Variants in NRXN3 observed in about 807,000 individuals in gnomAD.
NRXN3 encodes neurexin III.
A neutral mutation model predicts 137.6 loss-of-function variants in NRXN3; 32 were observed. That is an observed-to-expected ratio of 0.23 (90% confidence interval 0.18 to 0.31). NRXN3 has a LOEUF of 0.31. Among genes scored for constraint, NRXN3 ranks in the 10% least tolerant of loss-of-function variants. NRXN3 has a pLI of 1.00. For synonymous variants in NRXN3, 798 were observed against 784.5 expected (o/e 1.02, Z -0.29); for missense variants, 1,574 against 2,062.5 (o/e 0.76, Z 4.59).
rs76545718 is a variant in NRXN3 at position 79,428,850 on chromosome 14, A to G, written c.3263-38371A>G. On this transcript the variant is annotated intron_variant, in intron 15 of 20. Transcript: ENST00000335750. ...AATCCTGTATTAAAATAAATACAGT[A>G]GGAATTAGCAAGGATGGGGGAATAG... Among the ~76,000 whole-genome samples, 1,342 of 152,334 alleles carry G rather than the reference A, an allele frequency of 8.8e-3. 24 individuals carry two copies. In the East Asian group the frequency reaches 0.093, roughly 11 times the overall value.
intron 2 of NRXN3, among the ~76,000 whole-genome samples, chr14:78,253,345 C>T (rs994793655): frequency 3.9e-5 from 6 of 152,102 alleles, no homozygotes; most frequent in African/African-American, 1.2e-4. Flanking sequence ...TGACTTTGCC[C>T]TAGGTAATGT....
intron 15 of NRXN3, among the ~76,000 whole-genome samples, chr14:79,420,679 C>G (rs1042898074): frequency 5.9e-5 from 9 of 152,104 alleles, no homozygotes; most frequent in African/African-American, 1.9e-4. Context: ...GTGGCAAAAG[C>G]TAATACAAAA....
chr14:78,450,198 C>T (rs897763717), intron 4 of NRXN3, among the ~76,000 whole-genome samples: 2 of 152,190 alleles, frequency 1.3e-5, no homozygotes, highest in African/African-American at 4.8e-5. Flanking sequence ...TACTGTTACC[C>T]AGTCATTTGT....
At chr14:78,510,237 TTAAA>T (rs201313113) in intron 4 of NRXN3, among the ~76,000 whole-genome samples, 2,326 of 151,808 alleles carry the variant, frequency 0.015, 71 homozygotes, top group African/African-American at 0.052. Flanking sequence ...TAAAAATAAA[TTAAA>T]TAAAAATTAA....
intron 15 of NRXN3, among the ~76,000 whole-genome samples, chr14:79,234,306 AT>A (rs1245530171): frequency 3.1e-5 from 2 of 64,924 alleles, no homozygotes; most frequent in African/African-American, 1.5e-4. Flanking sequence ...ATATATATAT[AT>A]ATATATATAT....
intron 4 of NRXN3, among the ~76,000 whole-genome samples, chr14:78,363,611 G>A (rs1383711793): frequency 6.6e-6 from 1 of 152,118 alleles, no homozygotes; most frequent in Non-Finnish European, 1.5e-5. Flanking sequence ...CAAACCCATT[G>A]CAGTGCTCCA....
At chr14:79,642,672 C>T (rs2098438433) in intron 16 of NRXN3, among the ~76,000 whole-genome samples, 1 of 135,094 alleles carries the variant, frequency 7.4e-6, no homozygotes, top group African/African-American at 2.5e-5. Context: ...GTAAGCCTGC[C>T]TCAGTTTTCT....
chr14:79,391,147 A>G (rs2094831829), intron 15 of NRXN3, among the ~76,000 whole-genome samples: 1 of 152,120 alleles, frequency 6.6e-6, no homozygotes, highest in Non-Finnish European at 1.5e-5. Context: ...ACTAAATGTA[A>G]TGGACAAGAA....
intron 16 of NRXN3, among the ~76,000 whole-genome samples, chr14:79,498,763 G>T (rs548175628): frequency 5.3e-5 from 8 of 152,146 alleles, no homozygotes; most frequent in Non-Finnish European, 1.0e-4. Flanking sequence ...CTTTCCAGCT[G>T]GTATGTTTGT....
chr14:78,763,462 A>C (rs2098699267), intron 8 of NRXN3, among the ~76,000 whole-genome samples: 1 of 151,646 alleles, frequency 6.6e-6, no homozygotes, highest in African/African-American at 2.4e-5. Context: ...GAAAAATAAA[A>C]ATACTATATA....
chr14:79,357,104 A>G lies in NRXN3; in HGVS notation c.3263-110117A>G, dbSNP rs114360990. 6.4e-3 allele frequency among the ~76,000 whole-genome samples: 970 copies of G among 152,294 alleles called. 8 individuals are homozygous for G. The highest frequency in any genetic ancestry group is 0.022 in the African/African-American group (927 of 41,564). On this transcript the variant is annotated intron_variant, in intron 15 of 20. Coordinates refer to ENST00000335750, the MANE Select transcript of NRXN3 (RefSeq NM_001330195.2). ...ATCCCTAATTGCATGTGGCTGTGAT[A>G]TTTAATATGGCTGATTCTAATGGAG...
intron 4 of NRXN3, among the ~76,000 whole-genome samples, chr14:78,498,483 A>G (rs2095825823): frequency 1.3e-5 from 2 of 152,136 alleles, no homozygotes; most frequent in South Asian, 2.1e-4. Flanking sequence ...TTCCAGGAAG[A>G]GTTTAACCTT....
At chr14:78,445,806 A>G (rs1024636618) in intron 4 of NRXN3, among the ~76,000 whole-genome samples, 2 of 152,212 alleles carry the variant, frequency 1.3e-5, no homozygotes, top group Admixed American at 1.3e-4. Context: ...TTCTCAATGG[A>G]ATAATAGATA....
intron 15 of NRXN3, among the ~76,000 whole-genome samples, chr14:79,458,531 C>T (rs1026283541): frequency 2.7e-4 from 41 of 152,266 alleles, no homozygotes; most frequent in African/African-American, 9.6e-4. Flanking sequence ...ATTAGTTCAA[C>T]AGCATTTATT....
chr14:78,903,142 A>G lies in NRXN3; in HGVS notation c.2276-54100A>G, dbSNP rs1455238680. ...CTGAGGAAATAAACAATGAAGTTTC[A>G]TCTTCTTTTTTTTTTTTTTTTTCTG... On this transcript the variant is annotated intron_variant, in intron 10 of 20. Transcript: ENST00000335750. Among the ~76,000 whole-genome samples, 8 of 111,706 alleles carry G rather than the reference A, an allele frequency of 7.2e-5. No homozygotes were observed. The East Asian group carries it at 2.6e-3, about 36-fold the overall frequency. 73.3% of individuals were successfully genotyped at this position (111,706 alleles called of 152,430 possible).
At chr14:78,981,158 A>T (rs1460834202) in intron 14 of NRXN3, among the ~76,000 whole-genome samples, 2 of 152,224 alleles carry the variant, frequency 1.3e-5, no homozygotes, top group Non-Finnish European at 2.9e-5. Context: ...GTAACATTTG[A>T]TACAGATTTC....
At chr14:79,600,154 G>A (rs1161392751) in intron 16 of NRXN3, among the ~76,000 whole-genome samples, 1 of 152,234 alleles carries the variant, frequency 6.6e-6, no homozygotes, top group Admixed American at 6.5e-5. Flanking sequence ...AAGTTTCAAT[G>A]CAGGCATCTG....
intron 4 of NRXN3, among the ~76,000 whole-genome samples, chr14:78,386,070 TC>T: frequency 6.8e-6 from 1 of 146,914 alleles, no homozygotes; most frequent in African/African-American, 2.5e-5. Context: ...GCAAAAAAAG[TC>T]CCATTTTCAG....
chr14:79,553,143 G>T (rs1432291284), intron 16 of NRXN3, among the ~76,000 whole-genome samples: 1 of 152,022 alleles, frequency 6.6e-6, no homozygotes, highest in Non-Finnish European at 1.5e-5. Flanking sequence ...CAATCAGTAT[G>T]CCAAAGTACC....
Sources: allele counts gnomAD v4.1 joint callset (sites outside exome capture counted in the v4.1 genomes callset), GRCh38; gene constraint gnomAD v4.1.1; transcripts MANE v1.5; gene names NCBI Gene and HGNC (gene_info 2026-07-23, HGNC 2026-07-21).